Variants in KNDC1 observed in about 807,000 individuals in gnomAD.
KNDC1 encodes kinase non-catalytic C-lobe domain-containing protein 1.
Under a neutral mutation model 172.8 loss-of-function variants are expected in KNDC1, and 106 were observed. That is an observed-to-expected ratio of 0.61 (90% CI 0.52 to 0.72). The LOEUF (loss-of-function observed/expected upper bound fraction) is 0.72. KNDC1 is among the 30% of genes least tolerant of loss of function. The probability of loss-of-function intolerance (pLI) is 0.00; values close to 1 mark genes in which losing one functional copy is unlikely to be tolerated. For synonymous variants in KNDC1, 1,083 were observed against 1,062.2 expected, an observed-to-expected ratio of 1.02 and a Z score of -0.38; for missense variants, 2,325 against 2,394.5, an observed-to-expected ratio of 0.97 and a Z score of 0.61.
In KNDC1 at chr10:133,195,743, A is replaced by G. The variant is rs1256578070; in HGVS notation, c.1656A>G (p.Pro552=). 6.2e-7 allele frequency: 1 copy of G among 1,611,558 alleles called. No individual in the cohort carries two copies. Among genetic ancestry groups the G allele is most frequent in the African/African-American group, 1.3e-5 (1 of 74,886 alleles). The change falls in exon 10 of 30, where the codon CCA becomes CCG. Residue 552 remains proline (P), a synonymous_variant. Coordinates refer to ENST00000304613, the MANE Select transcript of KNDC1 (RefSeq NM_152643.8). ...CCCGCAACCACAAGCTGGCCCTGCC[A>G]CGCAGGCTCAAGACCCTCCTCCTGG... is the stretch of plus-strand genomic sequence containing the variant. The part of the protein sequence containing the change: ...SVPRNHKLAL[P]RRLKTLLLDM...
Position 133,199,476 on chromosome 10 carries a change from T to C in KNDC1, c.2777T>C (p.Leu926Ser). ...AAACCAGGGGAGTACATCTTCGCCT[T>C]GAAAGATCTCACCTTTGCCACTTTC... is the stretch of plus-strand genomic sequence containing the variant. The part of the protein sequence containing the change: ...ALIMGEYIFA[L>S]KDLTFATFCG... The change falls in exon 15 of 30, where the codon TTG (leucine) becomes TCG (serine). Residue 926 changes from leucine to serine, a missense_variant. Physicochemically the swap from Leu to Ser is moderately radical, Grantham distance 145. Transcript: ENST00000304613. 1.2e-6 allele frequency: 2 copies of C among 1,613,856 alleles called. No homozygotes were observed. Among genetic ancestry groups the C allele is most frequent in the Non-Finnish European group, 1.7e-6 (2 of 1,179,982 alleles).
Position 133,198,959 on chromosome 10 carries a change from GC to G in KNDC1, c.2454del (p.Thr819ProfsTer99). ...SGGLRPDALG[P>X]TTAHHGPRHP... ...GGGGCCTCAGGCCCGACGCCCTGGGGCCCACCACGGCCCACCACGGCCCACG... is the reference window on the plus strand; with the variant it reads ...GGGGCCTCAGGCCCGACGCCCTGGGGCCACCACGGCCCACCACGGCCCACG... On this transcript the variant is annotated frameshift_variant, in exon 14 of 30. Coordinates refer to ENST00000304613, the MANE Select transcript of KNDC1 (RefSeq NM_152643.8). LOFTEE classifies it high-confidence loss of function. 3.3e-6 allele frequency: 5 copies of G among 1,514,114 alleles called. No individual in the cohort carries two copies. Among genetic ancestry groups the G allele is most frequent in the Non-Finnish European group, 4.4e-6 (5 of 1,132,876 alleles). 93.8% of individuals were successfully genotyped at this position (1,514,114 alleles called of 1,614,324 possible).
chr10:133,197,235 C>A, intron 11 of KNDC1, 100 bp downstream of exon 11: 1 of 909,512 alleles, frequency 1.1e-6, no homozygotes, highest in Non-Finnish European at 1.7e-6. Flanking sequence ...CAGCCCCACA[C>A]CCCGGTCTCT....
At chr10:133,181,210 G>A (rs1351006059) in intron 3 of KNDC1, among the ~76,000 whole-genome samples, 7 of 152,242 alleles carry the variant, frequency 4.6e-5, no homozygotes, top group South Asian at 2.1e-4. Context: ...GGGAAGTGTC[G>A]GTCATGACAG....
intron 9 of KNDC1, 62 bp downstream of exon 9, chr10:133,189,875 C>A: frequency 7.3e-7 from 1 of 1,363,994 alleles, no homozygotes; most frequent in East Asian, 2.4e-5. Context: ...TGCCACGTCC[C>A]CCATCTGTCC....
chr10:133,202,533 C>T, intron 17 of KNDC1: 1 of 444,912 alleles, frequency 2.2e-6, no homozygotes, highest in Non-Finnish European at 4.5e-6. Context: ...CCCGGGACTC[C>T]AGGGTGGATG....
At chr10:133,177,533 TAGTG>T (rs1206014919) in intron 3 of KNDC1, among the ~76,000 whole-genome samples, 2 of 113,806 alleles carry the variant, frequency 1.8e-5, no homozygotes, top group Admixed American at 8.6e-5. Context: ...TGCATGCACA[TAGTG>T]TGTGTCATGA....
intron 3 of KNDC1, among the ~76,000 whole-genome samples, chr10:133,180,215 C>T (rs552000036): frequency 6.6e-6 from 1 of 152,384 alleles, no homozygotes; most frequent in African/African-American, 2.4e-5. Context: ...GGGCAGCACA[C>T]AGTTGTGTTT....
Position 133,209,919 on chromosome 10 carries a change from G to A in KNDC1, c.3795-692G>A, listed in dbSNP as rs1845321720. ...GGACAGTCCCAGACCTGCAGGCGGG[G>A]CCCTGGTCAGTGTCTCCTGAGGGTG... is the stretch of plus-strand genomic sequence containing the variant. On this transcript the variant is annotated intron_variant, in intron 20 of 29. Transcript: ENST00000304613. The surrounding 1 kb of genome is among the most constrained non-coding windows in gnomAD (Gnocchi z 4.9). 6.6e-6 allele frequency among the ~76,000 whole-genome samples: 1 copy of A among 152,098 alleles called. No individual in the cohort carries two copies. Among genetic ancestry groups the A allele is most frequent in the Non-Finnish European group, 1.5e-5 (1 of 68,002 alleles).
At chr10:133,165,942 G>T (rs965152969) in intron 1 of KNDC1, among the ~76,000 whole-genome samples, 2 of 152,212 alleles carry the variant, frequency 1.3e-5, no homozygotes, top group East Asian at 3.8e-4. Flanking sequence ...TCCCTGGACC[G>T]CAAGAAGGAG....
Position 133,186,489 on chromosome 10 carries a change from C to G in KNDC1, c.1141C>G (p.Arg381Gly). The stretch of plus-strand genomic sequence containing the variant: ...GCTGGGACGGGTTCCCTGTGCAGGC[C>G]GCAGCACGGACAGGGGCCCTGGGGT... ...HQLGRVPCAG[R>G]STDRGPGVPG... Residue 381 changes from arginine to glycine, a missense_variant, in exon 6 of 30, where the codon CGC becomes GGC. Physicochemically the swap from Arg to Gly is moderately radical, Grantham distance 125 (BLOSUM62 -2). Coordinates refer to ENST00000304613, the MANE Select transcript of KNDC1 (RefSeq NM_152643.8). 6.2e-7 allele frequency: 1 copy of G among 1,612,218 alleles called. No homozygotes were observed. Among genetic ancestry groups the G allele is most frequent in the Non-Finnish European group, 8.5e-7 (1 of 1,179,690 alleles).
intron 5 of KNDC1, among the ~76,000 whole-genome samples, chr10:133,184,416 T>A (rs1343112150): frequency 6.8e-5 from 3 of 44,412 alleles, no homozygotes; most frequent in Non-Finnish European, 1.9e-4. Context: ...ACACACCCAC[T>A]CACACATTCA....
At chr10:133,180,940 G>A (rs1853698863) in intron 3 of KNDC1, among the ~76,000 whole-genome samples, 1 of 152,262 alleles carries the variant, frequency 6.6e-6, no homozygotes, top group South Asian at 2.1e-4. Flanking sequence ...GGCTGCGGCT[G>A]GTGAGTAAAC....
intron 20 of KNDC1, 102 bp downstream of exon 20, chr10:133,207,453 C>G (rs1460350934): frequency 1.8e-6 from 2 of 1,090,944 alleles, no homozygotes; most frequent in African/African-American, 3.1e-5. Context: ...TGGGTTTGCA[C>G]TTTTTAGTTT....
chr10:133,206,852 A>C lies in KNDC1; in HGVS notation c.3482-4A>C. On this transcript the variant is annotated splice_polypyrimidine_tract_variant and splice_region_variant and intron_variant, in intron 18 of 29. Transcript: ENST00000304613. ...GGCCCCCACCCACTCTGCTCCACCC[A>C]CAGGTTCCGACGTCAAGACCATGCT... is the stretch of plus-strand genomic sequence containing the variant. The C allele has an allele frequency of 6.2e-7, 1 of 1,614,036 alleles. No homozygotes were observed. Among genetic ancestry groups the C allele is most frequent in the Non-Finnish European group, 8.5e-7 (1 of 1,179,948 alleles).
rs185765051 is a variant in KNDC1 at position 133,209,885 on chromosome 10, G to A, written c.3795-726G>A. On this transcript the variant is annotated intron_variant, in intron 20 of 29. Coordinates refer to ENST00000304613, the MANE Select transcript of KNDC1 (RefSeq NM_152643.8). The surrounding 1 kb of genome is among the most constrained non-coding windows in gnomAD (Gnocchi z 4.9). Reference sequence around the variant, plus strand: ...CCTCCGCTTCCTGACCGTGGCCGTCGGGCTCCCAGGACAGTCCCAGACCTG... The same window carrying A: ...CCTCCGCTTCCTGACCGTGGCCGTCAGGCTCCCAGGACAGTCCCAGACCTG... Among the ~76,000 whole-genome samples the A allele has an allele frequency of 2.5e-3, 379 of 152,162 alleles. 4 individuals carry two copies. The highest frequency in any genetic ancestry group is 0.023 in the Admixed American group (357 of 15,292).
intron 9 of KNDC1, among the ~76,000 whole-genome samples, chr10:133,193,743 T>C (rs1854119407): frequency 6.6e-6 from 1 of 152,126 alleles, no homozygotes; most frequent in African/African-American, 2.4e-5. Context: ...AGATACATTA[T>C]GAAAATGATA....
intron 1 of KNDC1, 50 bp downstream of exon 1, chr10:133,160,619 C>G (rs1186608397): frequency 7.4e-7 from 1 of 1,352,982 alleles, no homozygotes; most frequent in Non-Finnish European, 1.0e-6. Context: ...GAGGGGTCCG[C>G]GGAGAGCGCC....
At position 133,198,365 on chromosome 10, in the gene KNDC1, G is replaced by A. The variant is rs140228817; in HGVS notation, c.1935G>A (p.Gly645=). ...PGFLPVNSDT[G]LVAVPGPVPG... is the part of the protein sequence containing the mutation. ...TCCTGCCGGTGAACAGCGACACCGGGCTTGTGGCTGTGCCAGGGCCCGTGC... is the reference window on the plus strand; with the variant it reads ...TCCTGCCGGTGAACAGCGACACCGGACTTGTGGCTGTGCCAGGGCCCGTGC... Residue 645 remains glycine (G), a synonymous_variant, in exon 13 of 30, where the codon GGG becomes GGA. Transcript: ENST00000304613. 1.3e-3 allele frequency: 2,013 copies of A among 1,594,454 alleles called. 5 individuals carry two copies. Among genetic ancestry groups the A allele is most frequent in the African/African-American group, 0.011 (833 of 74,738 alleles).
Sources: allele counts gnomAD v4.1 joint callset (sites outside exome capture counted in the v4.1 genomes callset), GRCh38; gene constraint gnomAD v4.1.1; non-coding constraint Gnocchi (gnomAD v3.1); transcripts MANE v1.5; gene names NCBI Gene and HGNC (gene_info 2026-07-23, HGNC 2026-07-21).